The following BOLL variants were observed in gnomAD, a reference collection of about 807,000 sequenced individuals.
The protein encoded by BOLL is protein boule-like.
Under a neutral mutation model 44.4 loss-of-function variants are expected in BOLL, and 23 were observed. The observed-to-expected ratio is 0.52, with a 90% CI of 0.37 to 0.73. The LOEUF (loss-of-function observed/expected upper bound fraction) is 0.73, where lower values mean the gene tolerates loss of function less well. Ranked by LOEUF, BOLL falls within the 30% of genes least tolerant of loss-of-function variation. The pLI is 0.00. For synonymous variants in BOLL, 97 were observed against 110.8 expected (o/e 0.88, Z 0.78); for missense variants, 287 against 338.3 (o/e 0.85, Z 1.19).
At chr2:197,777,259 T>G in intron 3 of BOLL, 146 bp from the exon 4 acceptor site, 1 of 434,490 alleles carries the variant, frequency 2.3e-6, no homozygotes, top group South Asian at 6.3e-5. Context: ...ATGGGAATCT[T>G]AGAAGAATCA....
intron 5 of BOLL, among the ~76,000 whole-genome samples, chr2:197,773,608 A>G (rs1689369335): frequency 1.3e-5 from 2 of 152,002 alleles, no homozygotes; most frequent in South Asian, 4.1e-4. Context: ...TGTTCAGCTA[A>G]GCTCTAAAGA....
At position 197,743,181 on chromosome 2, in the gene BOLL, A is replaced by C. The variant is rs2106327044; in HGVS notation, c.730-22T>G. On this transcript the variant is annotated intron_variant, in intron 9 of 10. Coordinates refer to ENST00000392296, the MANE Select transcript of BOLL (RefSeq NM_033030.6). ...AAGGCTATTACAAAAAAAGAGAGAA[A>C]AAATGTCACCTTTCATCTATTAATT... The C allele has an allele frequency of 2.0e-6, 3 of 1,512,344 alleles. No individual in the cohort carries two copies. The Admixed American group carries it at 6.0e-5, about 30-fold the overall frequency. The allele number at this position is 1,512,344 out of a possible 1,614,324, so 93.7% of individuals were successfully genotyped here. A position where few individuals can be genotyped will look rare whatever the true frequency, so the allele number is the denominator to read the frequency against.
At chr2:197,739,657 G>GAGTA (rs1376502644) in intron 10 of BOLL, among the ~76,000 whole-genome samples, 1 of 152,136 alleles carries the variant, frequency 6.6e-6, no homozygotes, top group African/African-American at 2.4e-5. Context: ...CTATATTAAA[G>GAGTA]AGTAAGATAC....
At position 197,756,487 on chromosome 2, in the gene BOLL, C is replaced by T; in HGVS notation, c.670G>A (p.Ala224Thr). 3 of 1,612,636 alleles carry T rather than the reference C, an allele frequency of 1.9e-6. No homozygotes were observed. The highest frequency in any genetic ancestry group is 2.5e-6 in the Non-Finnish European group (3 of 1,179,052). Residue 224 changes from alanine to threonine, a missense_variant, in exon 9 of 11, where the codon GCA (alanine) becomes ACA (threonine). Coordinates refer to ENST00000392296, the MANE Select transcript of BOLL (RefSeq NM_033030.6). ...GGAGGAACACATCCACCATCCTGTG[C>T]AATTTCCACTGGTTGATAAATAACC... is the stretch of plus-strand genomic sequence containing the variant. ...SEVIYQPVEI[A>T]QDGGCVPPPL...
rs537936886 is a variant in BOLL, at chr2:197,763,300, G to A, written c.552+3232C>T. On this transcript the variant is annotated intron_variant, in intron 7 of 10. Coordinates refer to ENST00000392296, the MANE Select transcript of BOLL (RefSeq NM_033030.6). ...GATCGAGACCATCCTGGCTAACAGG[G>A]TGAAACCCCGTCTCTACTAAAAATA... 8.5e-5 allele frequency among the ~76,000 whole-genome samples: 13 copies of A among 152,092 alleles called. No individual in the cohort carries two copies. In the South Asian group the frequency reaches 2.7e-3, roughly 32 times the overall value.
chr2:197,742,226 C>T (rs1261234939), intron 10 of BOLL, among the ~76,000 whole-genome samples: 1 of 152,250 alleles, frequency 6.6e-6, no homozygotes. Context: ...GGAGTGTAAA[C>T]TAGTTCAACC....
At chr2:197,767,329 T>C (rs1385968710) in intron 6 of BOLL, among the ~76,000 whole-genome samples, 2 of 152,006 alleles carry the variant, frequency 1.3e-5, no homozygotes, top group African/African-American at 2.4e-5. Flanking sequence ...ATCTAACTTA[T>C]ATTGTTTTGT....
chr2:197,758,049 T>C (rs1356495406), intron 7 of BOLL, among the ~76,000 whole-genome samples: 1 of 152,238 alleles, frequency 6.6e-6, no homozygotes, highest in African/African-American at 2.4e-5. Flanking sequence ...CCTCATAATC[T>C]GCTGGTGGGA....
intron 7 of BOLL, among the ~76,000 whole-genome samples, chr2:197,761,567 A>C (rs1688759194): frequency 6.6e-6 from 1 of 152,190 alleles, no homozygotes; most frequent in Non-Finnish European, 1.5e-5. Flanking sequence ...AATAACCAGA[A>C]AATGATAAAT....
rs1439966542 is a variant in BOLL at position 197,785,184 on chromosome 2, G to A, written c.-144C>T. 1 of 985,810 alleles carries A rather than the reference G, an allele frequency of 1.0e-6. No individual in the cohort carries two copies. Among genetic ancestry groups the A allele is most frequent in the Admixed American group, 6.1e-5 (1 of 16,272 alleles). The allele number at this position is 985,810 out of a possible 1,614,324, so 61.1% of individuals were successfully genotyped here. On this transcript the variant is annotated 5_prime_UTR_variant, in exon 1 of 11. Coordinates refer to ENST00000392296, the MANE Select transcript of BOLL (RefSeq NM_033030.6). The surrounding 1 kb of genome is among the most constrained non-coding windows in gnomAD (Gnocchi z 6.7). Reference sequence around the variant, plus strand: ...TCGTGAACTTGGGCACCGAAACGAGGATCCACCCCCTCCCCACCAAAGTGC... The same window carrying A: ...TCGTGAACTTGGGCACCGAAACGAGAATCCACCCCCTCCCCACCAAAGTGC...
In BOLL at chr2:197,756,425, T is replaced by C. The variant is rs763045971; in HGVS notation, c.729+3A>G. On this transcript the variant is annotated splice_donor_region_variant and intron_variant, in intron 9 of 10. Transcript: ENST00000392296. ...GATCAATTACTTTAAGACTAATACA[T>C]ACCTCTGGAACTGAAGTTTCCATCA... 8 of 1,602,218 alleles carry C rather than the reference T, an allele frequency of 5.0e-6. No homozygotes were observed. Among genetic ancestry groups the C allele is most frequent in the Non-Finnish European group, 6.8e-6 (8 of 1,174,326 alleles).
chr2:197,761,698 C>G (rs535932964), intron 7 of BOLL, among the ~76,000 whole-genome samples: 135 of 152,142 alleles, frequency 8.9e-4, no homozygotes, highest in African/African-American at 3.1e-3. Flanking sequence ...TATATGCTAC[C>G]TAAAAGAAAC....
rs1298393634 is a variant in BOLL at position 197,728,828 on chromosome 2, T to C, written c.829-250A>G. ...CTAGTCTAGTGTTACAGTATAAATGTTGAGTAAATAAAATGAGGGATGGGT... is the reference window on the plus strand; with the variant it reads ...CTAGTCTAGTGTTACAGTATAAATGCTGAGTAAATAAAATGAGGGATGGGT... On this transcript the variant is annotated intron_variant, in intron 10 of 10. Transcript: ENST00000392296. Among the ~76,000 whole-genome samples, 3 of 152,160 alleles carry C rather than the reference T, an allele frequency of 2.0e-5. No individual in the cohort carries two copies. The South Asian group carries it at 6.2e-4, about 32-fold the overall frequency.
chr2:197,735,719 AT>A (rs1301686844), intron 10 of BOLL, among the ~76,000 whole-genome samples: 1 of 152,162 alleles, frequency 6.6e-6, no homozygotes, highest in East Asian at 1.9e-4. Flanking sequence ...AAGGACAGAT[AT>A]TTGAGAGAAA....
At chr2:197,759,720 TG>T (rs940836115) in intron 7 of BOLL, among the ~76,000 whole-genome samples, 5 of 152,174 alleles carry the variant, frequency 3.3e-5, no homozygotes, top group African/African-American at 1.2e-4. Context: ...CTGGCTGACC[TG>T]CCCAGGGTGA....
chr2:197,734,865 T>A (rs1429417641), intron 10 of BOLL, among the ~76,000 whole-genome samples: 1 of 152,048 alleles, frequency 6.6e-6, no homozygotes, highest in East Asian at 1.9e-4. Flanking sequence ...AATGACGAGT[T>A]AATGGGTGCA....
intron 7 of BOLL, among the ~76,000 whole-genome samples, chr2:197,764,008 A>G (rs1235681582): frequency 6.6e-6 from 1 of 152,242 alleles, no homozygotes; most frequent in Admixed American, 6.5e-5. Flanking sequence ...TACCCCAGTT[A>G]GGATGTTTAT....
At chr2:197,786,156 C>G, upstream of BOLL, 5 of 1,183,168 alleles carry the variant, frequency 4.2e-6, no homozygotes, top group Middle Eastern at 4.0e-4. The surrounding 1 kb of genome is among the most constrained non-coding windows in gnomAD (Gnocchi z 5.9). Context: ...GAAGCAGGCT[C>G]GGACCCCGGC....
intron 10 of BOLL, among the ~76,000 whole-genome samples, chr2:197,739,863 T>C (rs1199566395): frequency 1.3e-5 from 2 of 152,202 alleles, no homozygotes; most frequent in Non-Finnish European, 2.9e-5. Flanking sequence ...TTGTATAAAT[T>C]ACACAATTTC....
Sources: gnomAD v4.1 joint callset for allele counts (sites outside exome capture counted in the v4.1 genomes callset) on GRCh38, gnomAD v4.1.1 for gene constraint, Gnocchi (gnomAD v3.1) non-coding constraint, MANE v1.5 for transcripts, NCBI Gene and HGNC (gene_info 2026-07-23, HGNC 2026-07-21) for gene names.